NLGN1: variants seen among roughly 807,000 people sequenced by gnomAD.
The protein encoded by NLGN1 is neuroligin 1.
Under a neutral mutation model 65.5 loss-of-function variants are expected in NLGN1, and 12 were observed. The observed-to-expected ratio is 0.18, with a 90% CI of 0.12 to 0.30. The LOEUF (loss-of-function observed/expected upper bound fraction) is 0.30. Ranked by LOEUF, NLGN1 falls within the 10% of genes least tolerant of loss-of-function variation. The probability of loss-of-function intolerance (pLI) is 1.00; values close to 1 mark genes in which losing one functional copy is unlikely to be tolerated. For synonymous variants in NLGN1, 350 were observed against 359.5 expected (o/e 0.97, Z 0.30); for missense variants, 750 against 1,007.1 (o/e 0.74, Z 3.46).
chr3:173,857,411 C>A (rs992650614), intron 4 of NLGN1, among the ~76,000 whole-genome samples: 2 of 152,120 alleles, frequency 1.3e-5, no homozygotes, highest in African/African-American at 2.4e-5. Flanking sequence ...AACTCCCTCC[C>A]AGGTCTACCT....
intron 4 of NLGN1, among the ~76,000 whole-genome samples, chr3:173,828,058 A>C (rs1033266762): frequency 2.0e-5 from 3 of 152,084 alleles, no homozygotes; most frequent in Non-Finnish European, 4.4e-5. Context: ...TGACACATGA[A>C]ATTAACCATT....
chr3:173,981,481 C>T (rs1718764818), intron 4 of NLGN1, among the ~76,000 whole-genome samples: 1 of 152,110 alleles, frequency 6.6e-6, no homozygotes. Context: ...ACAGGTATCA[C>T]TGATGTAACA....
chr3:173,491,367 C>T (rs1395342346), intron 2 of NLGN1, among the ~76,000 whole-genome samples: 1 of 151,754 alleles, frequency 6.6e-6, no homozygotes, highest in Non-Finnish European at 1.5e-5. Context: ...TGGTTTTTGT[C>T]ATTGGTTCTG....
At chr3:173,476,170 T>C (rs938680306) in intron 2 of NLGN1, among the ~76,000 whole-genome samples, 1 of 152,186 alleles carries the variant, frequency 6.6e-6, no homozygotes, top group African/African-American at 2.4e-5. Flanking sequence ...AAGTTTGGTT[T>C]CTTTAGATCA....
chr3:173,897,843 A>C (rs1236705307), intron 4 of NLGN1, among the ~76,000 whole-genome samples: 1 of 152,198 alleles, frequency 6.6e-6, no homozygotes, highest in Non-Finnish European at 1.5e-5. Context: ...TTACAAATCA[A>C]TACTAATAGA....
At chr3:173,517,800 A>ATCTATCTATCTATCTG (rs1197131365) in intron 2 of NLGN1, among the ~76,000 whole-genome samples, 1 of 150,336 alleles carries the variant, frequency 6.7e-6, no homozygotes, top group East Asian at 1.9e-4. Context: ...CTATCTATCT[A>ATCTATCTATCTATCTG]TCATATCTAT....
intron 3 of NLGN1, among the ~76,000 whole-genome samples, chr3:173,719,973 G>T (rs564218633): frequency 1.3e-5 from 2 of 152,016 alleles, no homozygotes; most frequent in Admixed American, 1.3e-4. Flanking sequence ...AATTAGTCAG[G>T]CATGGTGGCA....
intron 2 of NLGN1, among the ~76,000 whole-genome samples, chr3:173,550,907 T>A (rs983361101): frequency 9.8e-5 from 15 of 152,300 alleles, no homozygotes; most frequent in African/African-American, 3.6e-4. Flanking sequence ...TTTATTTAAA[T>A]ATTCTTCCGA....
At chr3:173,870,398 A>G (rs972475375) in intron 4 of NLGN1, among the ~76,000 whole-genome samples, 3 of 152,196 alleles carry the variant, frequency 2.0e-5, no homozygotes, top group Non-Finnish European at 4.4e-5. Context: ...ATACTTGCTC[A>G]GTTTGAGGCA....
intron 4 of NLGN1, among the ~76,000 whole-genome samples, chr3:173,808,504 A>G (rs914521560): frequency 1.3e-5 from 2 of 152,164 alleles, no homozygotes; most frequent in Non-Finnish European, 2.9e-5. Flanking sequence ...ATTCTGAGAT[A>G]GGCATGTTAT....
rs553340574 is a variant in NLGN1, at chr3:173,796,435, T to C, written c.494-11245T>C. ...GCTCATGTTAATCGAAAAGAAACTA[T>C]TTTGGAATTAAATGAGTTCAAAGTT... On this transcript the variant is annotated intron_variant, in intron 3 of 6. Coordinates refer to ENST00000457714, the Ensembl canonical transcript of NLGN1. 3.2e-4 allele frequency among the ~76,000 whole-genome samples: 48 copies of C among 152,278 alleles called. 2 individuals carry two copies. The South Asian group carries it at 9.7e-3, about 31-fold the overall frequency.
intron 3 of NLGN1, among the ~76,000 whole-genome samples, chr3:173,696,146 C>CA (rs759668972): frequency 1.3e-5 from 2 of 152,218 alleles, no homozygotes; most frequent in South Asian, 2.1e-4. Context: ...TGTGAAGAAA[C>CA]TAAGTTCCAA....
chr3:173,894,237 C>G (rs969018940), intron 4 of NLGN1, among the ~76,000 whole-genome samples: 1 of 152,142 alleles, frequency 6.6e-6, no homozygotes, highest in African/African-American at 2.4e-5. Context: ...TGTAGTCCTA[C>G]TAGAGGCCAA....
intron 3 of NLGN1, among the ~76,000 whole-genome samples, chr3:173,669,859 A>G (rs1762228050): frequency 1.3e-5 from 2 of 152,196 alleles, no homozygotes; most frequent in African/African-American, 4.8e-5. Flanking sequence ...GGGATGGTGT[A>G]TAGAACTTCT....
intron 4 of NLGN1, among the ~76,000 whole-genome samples, chr3:174,192,748 T>C (rs1372997875): frequency 6.6e-6 from 1 of 152,162 alleles, no homozygotes; most frequent in Non-Finnish European, 1.5e-5. Flanking sequence ...AATTAATAAA[T>C]AGTTTTATTT....
chr3:173,619,157 G>T (rs183775135), intron 3 of NLGN1, among the ~76,000 whole-genome samples: 11 of 152,152 alleles, frequency 7.2e-5, no homozygotes, highest in Admixed American at 7.2e-4. Flanking sequence ...AAATGTTCAT[G>T]TAATTATGAG....
chr3:173,972,794 C>T (rs1716556208), intron 4 of NLGN1, among the ~76,000 whole-genome samples: 1 of 151,936 alleles, frequency 6.6e-6, no homozygotes, highest in South Asian at 2.1e-4. Flanking sequence ...AAAGTGTGGT[C>T]CCCAGGCTAG....
intron 4 of NLGN1, among the ~76,000 whole-genome samples, chr3:174,117,867 A>G (rs1238488464): frequency 6.6e-6 from 1 of 152,218 alleles, no homozygotes; most frequent in Non-Finnish European, 1.5e-5. Context: ...CCATTAAAAA[A>G]TGCCCTTTAT....
At chr3:173,441,820 T>A (rs539227145) in intron 2 of NLGN1, among the ~76,000 whole-genome samples, 1 of 152,248 alleles carries the variant, frequency 6.6e-6, no homozygotes, top group African/African-American at 2.4e-5. Context: ...AAACTTCCAA[T>A]TTGTGAAAAA....
Sources: gnomAD v4.1 joint callset for allele counts (sites outside exome capture counted in the v4.1 genomes callset) on GRCh38, gnomAD v4.1.1 for gene constraint, MANE v1.5 for transcripts, NCBI Gene and HGNC (gene_info 2026-07-23, HGNC 2026-07-21) for gene names.